The following KCNMA1 variants were observed in gnomAD, a reference collection of about 807,000 sequenced individuals.
KCNMA1 encodes potassium calcium-activated channel subfamily M alpha 1.
KCNMA1 carries 29 observed loss-of-function variants against 140.0 expected under a neutral mutation model. The observed-to-expected ratio is 0.21, with a 90% CI of 0.15 to 0.28. KCNMA1 has a LOEUF of 0.28. Ranked by LOEUF, KCNMA1 falls within the 10% of genes least tolerant of loss-of-function variation. KCNMA1 has a pLI of 1.00. For synonymous variants in KCNMA1, 612 were observed against 611.9 expected, an observed-to-expected ratio of 1.00 and a Z score of 0.00; for missense variants, 880 against 1,602.2, an observed-to-expected ratio of 0.55 and a Z score of 7.70.
At position 77,447,190 on chromosome 10, in the gene KCNMA1, C is replaced by A. The variant is rs77652518; in HGVS notation, c.379-43167G>T. ...AGTGAGGTGGGGTACAGAAGCACAG[C>A]AATTTGGGCCCAAAGGGATCATCTC... is the stretch of plus-strand genomic sequence containing the variant. On this transcript the variant is annotated intron_variant, in intron 1 of 27. Transcript: ENST00000286628. Among the ~76,000 whole-genome samples, 561 of 152,304 alleles carry A rather than the reference C, an allele frequency of 3.7e-3. 7 individuals are homozygous for A. Among genetic ancestry groups the A allele is most frequent in the African/African-American group, 0.013 (541 of 41,570 alleles).
chr10:77,240,985 G>T (rs1275817428), intron 3 of KCNMA1, among the ~76,000 whole-genome samples: 1 of 152,228 alleles, frequency 6.6e-6, no homozygotes, highest in Non-Finnish European at 1.5e-5. Flanking sequence ...AGACTATTAA[G>T]TTGTCTTAAA....
At chr10:77,006,907 G>T (rs989029159) in intron 18 of KCNMA1, among the ~76,000 whole-genome samples, 1 of 152,214 alleles carries the variant, frequency 6.6e-6, no homozygotes, top group African/African-American at 2.4e-5. Context: ...ATTGAAGAAG[G>T]TCATCATTGT....
In KCNMA1 at chr10:77,369,556, T is replaced by C. The variant is rs112517883; in HGVS notation, c.540+34306A>G. ...GATGTATATTGGAATCCTTTGAGGA[T>C]AGAGGTTACTTCAATGAGAATTTTC... On this transcript the variant is annotated intron_variant, in intron 2 of 27. Coordinates refer to ENST00000286628, the MANE Select transcript of KCNMA1 (RefSeq NM_001161352.2). Among the ~76,000 whole-genome samples the C allele has an allele frequency of 4.8e-3, 738 of 152,316 alleles. 7 individuals are homozygous for C. Among genetic ancestry groups the C allele is most frequent in the African/African-American group, 0.017 (700 of 41,584 alleles).
intron 5 of KCNMA1, among the ~76,000 whole-genome samples, chr10:77,137,412 G>A (rs1386208496): frequency 6.6e-6 from 1 of 152,190 alleles, no homozygotes; most frequent in Non-Finnish European, 1.5e-5. Context: ...GTCTGACAAG[G>A]TCATTGTTAT....
chr10:77,102,056 G>A (rs768957191), intron 9 of KCNMA1, among the ~76,000 whole-genome samples: 22 of 152,246 alleles, frequency 1.4e-4, no homozygotes, highest in Non-Finnish European at 2.8e-4. Context: ...CAGAAAAGCT[G>A]TGGTATAGTT....
chr10:77,439,118 AAGAGAAGAGAAGAGAAGAGAAGAGAAGAG>A (rs1176852817), intron 1 of KCNMA1, among the ~76,000 whole-genome samples: 11 of 144,670 alleles, frequency 7.6e-5, no homozygotes, highest in African/African-American at 2.8e-4. Context: ...AAGAGAAGAG[AAGAGAAGAGAAGAGAAGAGAAGAGAAGAG>A]AAAAGAGAAG....
chr10:77,154,661 G>A (rs949352422), intron 5 of KCNMA1, among the ~76,000 whole-genome samples: 1 of 152,096 alleles, frequency 6.6e-6, no homozygotes, highest in African/African-American at 2.4e-5. Context: ...GATATATAGA[G>A]GCAGAGATAT....
chr10:77,219,394 C>A (rs555539033), intron 3 of KCNMA1, among the ~76,000 whole-genome samples: 1 of 152,078 alleles, frequency 6.6e-6, no homozygotes, highest in Non-Finnish European at 1.5e-5. Context: ...CTTAAACTAG[C>A]GGAGTGGGGA....
chr10:77,387,897 C>T (rs763734518), intron 2 of KCNMA1, among the ~76,000 whole-genome samples: 3 of 152,194 alleles, frequency 2.0e-5, no homozygotes, highest in Non-Finnish European at 2.9e-5. Context: ...GGATTACAGA[C>T]GTGAGCCACT....
At chr10:77,429,244 A>G (rs1272649527) in intron 1 of KCNMA1, among the ~76,000 whole-genome samples, 1 of 152,206 alleles carries the variant, frequency 6.6e-6, no homozygotes, top group Non-Finnish European at 1.5e-5. Flanking sequence ...AGCCAGGAAC[A>G]GAAGGGGGTT....
intron 2 of KCNMA1, among the ~76,000 whole-genome samples, chr10:77,338,068 A>C (rs969111149): frequency 2.6e-5 from 4 of 152,182 alleles, no homozygotes; most frequent in African/African-American, 9.7e-5. Flanking sequence ...TACTAATACA[A>C]TCATGTCAGG....
chr10:77,261,810 T>A (rs899836485), intron 2 of KCNMA1, among the ~76,000 whole-genome samples: 2 of 152,210 alleles, frequency 1.3e-5, no homozygotes, highest in Non-Finnish European at 2.9e-5. Context: ...ACCTTTCCTG[T>A]CCAAGTATTG....
intron 18 of KCNMA1, among the ~76,000 whole-genome samples, chr10:77,009,683 C>T (rs2090218447): frequency 6.6e-6 from 1 of 152,288 alleles, no homozygotes; most frequent in African/African-American, 2.4e-5. Flanking sequence ...ACTACCCTTT[C>T]CCCAGTGCCA....
chr10:77,484,154 A>C (rs1303319676), intron 1 of KCNMA1, among the ~76,000 whole-genome samples: 1 of 152,240 alleles, frequency 6.6e-6, no homozygotes, highest in African/African-American at 2.4e-5. Context: ...TTTTCCAGAA[A>C]GGACAAAGTA....
chr10:77,546,014 C>T (rs1298730570), intron 1 of KCNMA1, among the ~76,000 whole-genome samples: 1 of 152,170 alleles, frequency 6.6e-6, no homozygotes, highest in African/African-American at 2.4e-5. Context: ...CCCCAGTTAC[C>T]ATCTGAACTC....
chr10:77,406,003 C>T (rs767660604), intron 1 of KCNMA1, among the ~76,000 whole-genome samples: 2 of 152,094 alleles, frequency 1.3e-5, no homozygotes, highest in African/African-American at 2.4e-5. Context: ...CAGCCCTGGA[C>T]GCTAATATTT....
intron 14 of KCNMA1, among the ~76,000 whole-genome samples, chr10:77,056,159 C>A (rs916979330): frequency 2.0e-5 from 3 of 152,154 alleles, no homozygotes; most frequent in African/African-American, 7.2e-5. Flanking sequence ...GCGAGTGGAT[C>A]ACCTGAAGCC....
intron 2 of KCNMA1, among the ~76,000 whole-genome samples, chr10:77,284,449 C>A (rs1042548212): frequency 2.0e-5 from 3 of 152,174 alleles, no homozygotes; most frequent in Non-Finnish European, 4.4e-5. Flanking sequence ...AATCAAATTT[C>A]TCTTTGACAG....
chr10:77,460,789 C>T (rs60358914), intron 1 of KCNMA1, among the ~76,000 whole-genome samples: 7,525 of 151,962 alleles, frequency 0.05, 429 homozygotes, highest in African/African-American at 0.13. Context: ...AAAAGTGGGA[C>T]GGTGAGGGGG....
Sources: gnomAD v4.1 joint callset for allele counts (sites outside exome capture counted in the v4.1 genomes callset) on GRCh38, gnomAD v4.1.1 for gene constraint, MANE v1.5 for transcripts, NCBI Gene and HGNC (gene_info 2026-07-23, HGNC 2026-07-21) for gene names.